TDRD6: variants seen among roughly 807,000 people sequenced by gnomAD.
TDRD6 encodes tudor domain containing 6.
In TDRD6, 186 loss-of-function variants were observed where a neutral mutation model predicts 157.5. The ratio of observed to expected loss-of-function variants is 1.18; its 90% confidence interval spans 1.05 to 1.33. The LOEUF (loss-of-function observed/expected upper bound fraction) is 1.33. TDRD6 is among the 40% of genes most tolerant of loss of function. TDRD6 has a pLI of 0.00. For missense variants in TDRD6, 3,066 were observed against 2,508.0 expected (o/e 1.22, Z -4.75); for synonymous variants, 1,075 against 945.2 (o/e 1.14, Z -2.52).
At chr6:46,682,248 A>T in the TDRD6 span, among the ~76,000 whole-genome samples, 1 of 152,040 alleles carries the variant, frequency 6.6e-6, no homozygotes, top group African/African-American at 2.4e-5. Context: ...ACAGAACAAA[A>T]CAAAACATAT....
Position 46,692,717 on chromosome 6 carries a change from G to A in TDRD6, c.4589G>A (p.Gly1530Glu), listed in dbSNP as rs776480850. 1.2e-6 allele frequency: 2 copies of A among 1,614,038 alleles called. No homozygotes were observed. Among genetic ancestry groups the A allele is most frequent in the Non-Finnish European group, 1.7e-6 (2 of 1,180,044 alleles). The change falls in exon 1 of 4, where the codon GGA becomes GAA. Residue 1530 changes from glycine (G) to glutamate (E), a missense_variant. By Grantham distance (98) the Gly-to-Glu change is moderately conservative. Transcript: ENST00000316081. ...AGAGCTTATGCCACTGTGATAGATG[G>A]ACCTGAGTACTTTTGGTGTCAGTTT... is the stretch of plus-strand genomic sequence containing the variant. Reference protein sequence around the residue: ...MIRAYATVIDGPEYFWCQFAD... With the variant: ...MIRAYATVIDEPEYFWCQFAD...
the TDRD6 span, chr6:46,681,506 C>T: frequency 2.1e-6 from 1 of 470,448 alleles, no homozygotes; most frequent in Non-Finnish European, 4.4e-6. Flanking sequence ...TTCTTCTCTC[C>T]CCATACTTTA....
Position 46,689,275 on chromosome 6 carries a change from G to T in TDRD6, c.1147G>T (p.Asp383Tyr), listed in dbSNP as rs764311270. The T allele has an allele frequency of 3.7e-6, 6 of 1,614,052 alleles. No individual in the cohort carries two copies. The stretch of plus-strand genomic sequence containing the variant: ...CCCTTGTGCTTTGTATGGACTCTGG[G>T]ACGGTGGGAGAGGCTGGTCTCGGTC... ...TYPCALYGLW[D>Y]GGRGWSRSQV... is the part of the protein sequence containing the mutation. Residue 383 changes from aspartate to tyrosine, a missense_variant, in exon 1 of 4, where the codon GAC becomes TAC. By Grantham distance (160) the Asp-to-Tyr change is radical (BLOSUM62 -3). Coordinates refer to ENST00000316081, the MANE Select transcript of TDRD6 (RefSeq NM_001010870.3).
intron 3 of TDRD6, among the ~76,000 whole-genome samples, chr6:46,699,426 G>A (rs1208363957): frequency 1.3e-5 from 2 of 152,142 alleles, no homozygotes; most frequent in Non-Finnish European, 2.9e-5. Context: ...GCTGTCACCA[G>A]GCAGTAACTG....
chr6:46,682,159 A>G, the TDRD6 span, among the ~76,000 whole-genome samples: 3 of 152,100 alleles, frequency 2.0e-5, no homozygotes, highest in Non-Finnish European at 4.4e-5. Context: ...AGTATAATAC[A>G]TCATGACTAA....
rs761505147 is a variant in TDRD6, at chr6:46,693,271, G to T, written c.5143G>T (p.Glu1715Ter). ...SALPYENIDS[E>*]IKQTLGSYNL... Reference sequence around the variant, plus strand: ...TCTTCCCTATGAAAATATTGACTCAGAGATAAAGCAGACTCTTGGGTCCTA... The same window carrying T: ...TCTTCCCTATGAAAATATTGACTCATAGATAAAGCAGACTCTTGGGTCCTA... Residue 1715 changes from glutamate to a stop codon, truncating the protein, a stop_gained, in exon 1 of 4, where the codon GAG becomes TAG. Transcript: ENST00000316081. LOFTEE classifies it high-confidence loss of function. 3 of 1,613,582 alleles carry T rather than the reference G, an allele frequency of 1.9e-6. No individual in the cohort carries two copies. The East Asian group carries it at 6.7e-5, about 36-fold the overall frequency.
Position 46,692,197 on chromosome 6 carries a change from G to T in TDRD6, c.4069G>T (p.Asp1357Tyr), listed in dbSNP as rs1214999515. The change falls in exon 1 of 4, where the codon GAT becomes TAT. Residue 1357 changes from aspartate (D) to tyrosine (Y), a missense_variant. Transcript: ENST00000316081. ...YYVGPPLQRG[D>Y]MICAVFPEDN... ...TGTAGGTCCACCTTTGCAAAGAGGA[G>T]ATATGATATGTGCTGTTTTCCCAGA... 6.2e-7 allele frequency: 1 copy of T among 1,614,152 alleles called. No homozygotes were observed. Among genetic ancestry groups the T allele is most frequent in the East Asian group, 2.2e-5 (1 of 44,878 alleles).
rs1383062181 is a variant in TDRD6, at chr6:46,690,851, A to C, written c.2723A>C (p.Glu908Ala). The C allele has an allele frequency of 6.2e-7, 1 of 1,613,674 alleles. No individual in the cohort carries two copies. Among genetic ancestry groups the C allele is most frequent in the South Asian group, 1.1e-5 (1 of 90,972 alleles). ...WDVKAIQAFN[E>A]FIDNAWQKNL... Reference sequence around the variant, plus strand: ...GTAAAGGCAATACAAGCTTTCAATGAATTTATAGATAATGCATGGCAAAAA... The same window carrying C: ...GTAAAGGCAATACAAGCTTTCAATGCATTTATAGATAATGCATGGCAAAAA... Residue 908 changes from glutamate to alanine, a missense_variant, in exon 1 of 4, where the codon GAA becomes GCA. Transcript: ENST00000316081.
At chr6:46,687,411 C>T (rs1323349693), upstream of TDRD6, among the ~76,000 whole-genome samples, 1 of 152,184 alleles carries the variant, frequency 6.6e-6, no homozygotes, top group Admixed American at 6.5e-5. Flanking sequence ...CTTATCAATT[C>T]AGATGATGGA....
rs751467097 is a variant in TDRD6, at chr6:46,690,005, A to C, written c.1877A>C (p.His626Pro). 1 of 1,613,852 alleles carries C rather than the reference A, an allele frequency of 6.2e-7. No homozygotes were observed. Among genetic ancestry groups the C allele is most frequent in the Non-Finnish European group, 8.5e-7 (1 of 1,179,868 alleles). Reference sequence around the variant, plus strand: ...TCCTTTTTTAAAAAGACTGTGCTCCACAAAGAATTAGTCATCCATATTCTT... The same window carrying C: ...TCCTTTTTTAAAAAGACTGTGCTCCCCAAAGAATTAGTCATCCATATTCTT... ...AVSFFKKTVL[H>P]KELVIHILDK... is the part of the protein sequence containing the mutation. The change falls in exon 1 of 4, where the codon CAC (histidine) becomes CCC (proline). Residue 626 changes from histidine to proline, a missense_variant. His to Pro is a moderately conservative substitution (Grantham distance 77, BLOSUM62 -2). Coordinates refer to ENST00000316081, the MANE Select transcript of TDRD6 (RefSeq NM_001010870.3).
chr6:46,681,500 T>A, the TDRD6 span: 1 of 469,472 alleles, frequency 2.1e-6, no homozygotes, highest in Non-Finnish European at 4.4e-6. Context: ...ATTACTTTCT[T>A]CTCTCCCCAT....
At position 46,692,085 on chromosome 6, in the gene TDRD6, C is replaced by CT; in HGVS notation, c.3961dup (p.Tyr1321LeufsTer8). ...TTTCTCATATAAATGACCTTTCAGA[C>CT]TTTTATGTTCAACTAATAGAAGATG... On this transcript the variant is annotated frameshift_variant, in exon 1 of 4. Transcript: ENST00000316081. LOFTEE classifies it high-confidence loss of function. The CT allele has an allele frequency of 6.2e-7, 1 of 1,612,916 alleles. No homozygotes were observed. The highest frequency in any genetic ancestry group is 8.5e-7 in the Non-Finnish European group (1 of 1,179,498).
upstream of TDRD6, chr6:46,687,860 TGGC>T: frequency 2.3e-6 from 1 of 429,182 alleles, no homozygotes; most frequent in Non-Finnish European, 4.0e-6. Flanking sequence ...CGGCCGGAAG[TGGC>T]GGCGCCGAGT....
chr6:46,696,483 TATATATATATGTATATGTA>T (rs1175610245), intron 2 of TDRD6, among the ~76,000 whole-genome samples: 2 of 144,038 alleles, frequency 1.4e-5, no homozygotes, highest in Admixed American at 1.4e-4. Context: ...TGTATATATA[TATATATATATGTATATGTA>T]ATATATATGT....
chr6:46,695,117 A>G (rs1764457896), intron 1 of TDRD6, among the ~76,000 whole-genome samples: 2 of 152,118 alleles, frequency 1.3e-5, no homozygotes, highest in Non-Finnish European at 2.9e-5. Flanking sequence ...GTCAATTTTT[A>G]TATTATTAAA....
At chr6:46,685,070 CTTT>C (rs1003529682), upstream of TDRD6, among the ~76,000 whole-genome samples, 18 of 123,676 alleles carry the variant, frequency 1.5e-4, no homozygotes, top group African/African-American at 5.0e-4. Flanking sequence ...TCATATTCTT[CTTT>C]GTCATCTGTA....
Position 46,692,982 on chromosome 6 carries a change from G to A in TDRD6, c.4854G>A (p.Trp1618Ter). ...IEDCVDPKAL[W>*]AIPSELLSVP... is the part of the protein sequence containing the mutation. ...ACTGTGTGGACCCAAAAGCACTCTGGGCCATTCCTTCTGAACTTCTGTCGG... is the reference window on the plus strand; with the variant it reads ...ACTGTGTGGACCCAAAAGCACTCTGAGCCATTCCTTCTGAACTTCTGTCGG... The change falls in exon 1 of 4, where the codon TGG (tryptophan) becomes TGA (stop). Residue 1618 changes from tryptophan (W) to a stop codon, truncating the protein, a stop_gained. Transcript: ENST00000316081. LOFTEE classifies it high-confidence loss of function. 2.5e-6 allele frequency: 4 copies of A among 1,612,634 alleles called. No individual in the cohort carries two copies. In the South Asian group the frequency reaches 4.4e-5, roughly 18 times the overall value.
At chr6:46,701,587 T>C (rs1764624753) in intron 3 of TDRD6, among the ~76,000 whole-genome samples, 1 of 152,192 alleles carries the variant, frequency 6.6e-6, no homozygotes, top group Non-Finnish European at 1.5e-5. Flanking sequence ...TTATCAGCCT[T>C]GTTCACACCA....
In TDRD6 at chr6:46,692,095, C is replaced by G; in HGVS notation, c.3967C>G (p.Gln1323Glu). Reference sequence around the variant, plus strand: ...AAATGACCTTTCAGACTTTTATGTTCAACTAATAGAAGATGAAGCTGAAAT... The same window carrying G: ...AAATGACCTTTCAGACTTTTATGTTGAACTAATAGAAGATGAAGCTGAAAT... ...HINDLSDFYVQLIEDEAEISH... is the reference protein window; with the variant it reads ...HINDLSDFYVELIEDEAEISH... Residue 1323 changes from glutamine (Q) to glutamate (E), a missense_variant, in exon 1 of 4, where the codon CAA becomes GAA. Coordinates refer to ENST00000316081, the MANE Select transcript of TDRD6 (RefSeq NM_001010870.3). 6.2e-7 allele frequency: 1 copy of G among 1,612,792 alleles called. No individual in the cohort carries two copies. The highest frequency in any genetic ancestry group is 8.5e-7 in the Non-Finnish European group (1 of 1,179,440).
Sources: gnomAD v4.1 joint callset for allele counts (sites outside exome capture counted in the v4.1 genomes callset) on GRCh38, gnomAD v4.1.1 for gene constraint, MANE v1.5 for transcripts, NCBI Gene and HGNC (gene_info 2026-07-23, HGNC 2026-07-21) for gene names.